Variants in BMPR1B observed in about 807,000 individuals in gnomAD.
The protein encoded by BMPR1B is bone morphogenetic protein receptor type-1B.
In BMPR1B, 12 loss-of-function variants were observed where a neutral mutation model predicts 59.1. The ratio of observed to expected loss-of-function variants is 0.20; its 90% confidence interval spans 0.13 to 0.33. The LOEUF is 0.33. Among genes scored for constraint, BMPR1B ranks in the 10% least tolerant of loss-of-function variants. The pLI, the probability that BMPR1B is intolerant of heterozygous loss-of-function variation, is 1.00. For missense variants in BMPR1B, 550 were observed against 610.9 expected (o/e 0.90, Z 1.05); for synonymous variants, 237 against 207.3 (o/e 1.14, Z -1.23).
intron 1 of BMPR1B, among the ~76,000 whole-genome samples, chr4:94,819,492 G>A (rs1158584551): frequency 1.4e-5 from 2 of 138,150 alleles, no homozygotes; most frequent in African/African-American, 5.9e-5. Flanking sequence ...GGAGCTGTGT[G>A]GGAATTCAGA....
At chr4:94,998,032 T>G (rs1156349919) in intron 3 of BMPR1B, among the ~76,000 whole-genome samples, 1 of 152,176 alleles carries the variant, frequency 6.6e-6, no homozygotes, top group South Asian at 2.1e-4. Flanking sequence ...AAGTTTTCCT[T>G]TAAATCAAGA....
At chr4:94,869,569 C>G (rs1726397875) in intron 1 of BMPR1B, among the ~76,000 whole-genome samples, 1 of 152,054 alleles carries the variant, frequency 6.6e-6, no homozygotes, top group Non-Finnish European at 1.5e-5. Context: ...AATAGTATTC[C>G]TTTTTCTTCT....
chr4:95,008,078 C>G (rs1275728818), intron 3 of BMPR1B, among the ~76,000 whole-genome samples: 1 of 152,070 alleles, frequency 6.6e-6, no homozygotes, highest in African/African-American at 2.4e-5. Flanking sequence ...AATTATTAAT[C>G]AGTATATAGG....
chr4:94,839,898 C>G lies in BMPR1B; in HGVS notation c.-182-35933C>G, dbSNP rs1418016298. ...TGGCATGATTTTGCAGTGGCTGGTA[C>G]CGGTTGTTCCTTTCCATGTTTAGTG... On this transcript the variant is annotated intron_variant, in intron 1 of 12. Coordinates refer to ENST00000515059, the MANE Select transcript of BMPR1B (RefSeq NM_001203.3). Among the ~76,000 whole-genome samples, 6 of 151,454 alleles carry G rather than the reference C, an allele frequency of 4.0e-5. No individual in the cohort carries two copies. In the East Asian group the frequency reaches 5.8e-4, roughly 15 times the overall value.
intron 1 of BMPR1B, among the ~76,000 whole-genome samples, chr4:94,773,527 T>C (rs971947411): frequency 2.6e-5 from 4 of 152,224 alleles, no homozygotes; most frequent in African/African-American, 9.6e-5. Flanking sequence ...TTTAGGTTAG[T>C]AGAAAATAAT....
At chr4:94,780,920 C>T (rs999039434) in intron 1 of BMPR1B, among the ~76,000 whole-genome samples, 1 of 151,970 alleles carries the variant, frequency 6.6e-6, no homozygotes, top group Non-Finnish European at 1.5e-5. Flanking sequence ...GATCTCCTGA[C>T]CTTGTGATCC....
intron 3 of BMPR1B, among the ~76,000 whole-genome samples, chr4:95,075,237 T>C (rs1426694475): frequency 6.6e-6 from 1 of 152,202 alleles, no homozygotes; most frequent in African/African-American, 2.4e-5. Context: ...TCACCATCTG[T>C]TCTTCTCAGA....
At chr4:95,019,347 A>G (rs543192251) in intron 3 of BMPR1B, among the ~76,000 whole-genome samples, 1 of 152,304 alleles carries the variant, frequency 6.6e-6, no homozygotes, top group Admixed American at 6.5e-5. Context: ...TTTCTCTGGA[A>G]GGAAGAGGCT....
In BMPR1B at chr4:95,033,826, A is replaced by G. The variant is rs545969306; in HGVS notation, c.-18+37692A>G. On this transcript the variant is annotated intron_variant, in intron 3 of 12. Coordinates refer to ENST00000515059, the MANE Select transcript of BMPR1B (RefSeq NM_001203.3). ...AAAGAGGTAATTGTTAAAAGCATGG[A>G]CAAAGATGAAAGACAGTCACTCCCT... Among the ~76,000 whole-genome samples, 21 of 152,286 alleles carry G rather than the reference A, an allele frequency of 1.4e-4. No homozygotes were observed. The East Asian group carries it at 3.3e-3, about 24-fold the overall frequency.
intron 2 of BMPR1B, among the ~76,000 whole-genome samples, chr4:94,992,280 A>C (rs1444191926): frequency 6.6e-6 from 1 of 152,244 alleles, no homozygotes; most frequent in East Asian, 1.9e-4. Flanking sequence ...ATTAAAATTC[A>C]AGCAGTTCCT....
At chr4:94,885,173 A>G (rs1287289650) in intron 2 of BMPR1B, among the ~76,000 whole-genome samples, 1 of 152,156 alleles carries the variant, frequency 6.6e-6, no homozygotes. Flanking sequence ...AGACCTGAAG[A>G]TCCTTCCATC....
intron 1 of BMPR1B, among the ~76,000 whole-genome samples, chr4:94,761,815 A>G (rs1181938280): frequency 4.6e-5 from 7 of 152,176 alleles, no homozygotes; most frequent in Admixed American, 4.6e-4. Flanking sequence ...TCAGGTTTCC[A>G]TATGCTGAAT....
At chr4:95,091,650 T>C in intron 3 of BMPR1B, 1 of 985,008 alleles carries the variant, frequency 1.0e-6, no homozygotes, top group Non-Finnish European at 1.2e-6. Flanking sequence ...AGAAGCTTTA[T>C]ATCTCACAGA....
At chr4:94,984,687 G>T (rs1721295824) in intron 2 of BMPR1B, among the ~76,000 whole-genome samples, 1 of 152,072 alleles carries the variant, frequency 6.6e-6, no homozygotes, top group African/African-American at 2.4e-5. Flanking sequence ...AGAAAAATTG[G>T]TGTTCAGGAC....
At chr4:95,051,327 G>A (rs886537844) in intron 3 of BMPR1B, among the ~76,000 whole-genome samples, 2 of 152,206 alleles carry the variant, frequency 1.3e-5, no homozygotes, top group Non-Finnish European at 2.9e-5. Context: ...TTTTAAATGA[G>A]GTTTGCTATG....
At chr4:94,794,098 C>G (rs1420896320) in intron 1 of BMPR1B, among the ~76,000 whole-genome samples, 32 of 147,792 alleles carry the variant, frequency 2.2e-4, no homozygotes, top group South Asian at 4.4e-4. Flanking sequence ...TTGCCCATGT[C>G]TATGTCCTGA....
chr4:94,969,468 AAGCCTTTATTTTAACATTGGGTAG>A (rs1730690366), intron 2 of BMPR1B, among the ~76,000 whole-genome samples: 4 of 152,186 alleles, frequency 2.6e-5, no homozygotes, highest in African/African-American at 9.7e-5. Flanking sequence ...TCAGAACCTG[AAGCCTTTATTTTAACATTGGGTAG>A]TATTCTCAGA....
intron 2 of BMPR1B, among the ~76,000 whole-genome samples, chr4:94,887,812 A>G (rs1007649923): frequency 2.0e-5 from 3 of 152,052 alleles, no homozygotes; most frequent in African/African-American, 7.2e-5. Flanking sequence ...AAGAAAAACA[A>G]TAATTCACAA....
chr4:95,096,248 A>T (rs933287219), intron 3 of BMPR1B, among the ~76,000 whole-genome samples: 1 of 151,758 alleles, frequency 6.6e-6, no homozygotes, highest in Non-Finnish European at 1.5e-5. Flanking sequence ...CTTATTTCCT[A>T]CTACAAGAGA....
Sources: gnomAD v4.1 joint callset for allele counts (sites outside exome capture counted in the v4.1 genomes callset) on GRCh38, gnomAD v4.1.1 for gene constraint, MANE v1.5 for transcripts, NCBI Gene and HGNC (gene_info 2026-07-23, HGNC 2026-07-21) for gene names.